NCAM2: variants seen among roughly 807,000 people sequenced by gnomAD.
The protein encoded by NCAM2 is neural cell adhesion molecule 2.
Under a neutral mutation model 98.1 loss-of-function variants are expected in NCAM2, and 30 were observed. The observed-to-expected ratio is 0.31, with a 90% confidence interval of 0.23 to 0.41. NCAM2 has a LOEUF of 0.41. NCAM2 is among the 10% of genes least tolerant of loss of function. NCAM2 has a pLI of 1.00. For missense variants in NCAM2, 867 were observed against 1,005.8 expected, an observed-to-expected ratio of 0.86 and a Z score of 1.87; for synonymous variants, 368 against 342.4, an observed-to-expected ratio of 1.07 and a Z score of -0.83.
chr21:21,147,129 T>G, intron 1 of NCAM2: 1 of 955,942 alleles, frequency 1.0e-6, no homozygotes, highest in Non-Finnish European at 1.2e-6. Flanking sequence ...AAGCCAGCAC[T>G]AGTGGACTTC....
chr21:21,070,263 T>C (rs1188970032), intron 1 of NCAM2, among the ~76,000 whole-genome samples: 1 of 131,282 alleles, frequency 7.6e-6, no homozygotes, highest in East Asian at 2.2e-4. Context: ...TATATGTACA[T>C]AGTGTATATA....
At chr21:21,312,122 T>C (rs11912011) in intron 5 of NCAM2, among the ~76,000 whole-genome samples, 3,908 of 152,172 alleles carry the variant, frequency 0.026, 155 homozygotes, top group African/African-American at 0.09. Context: ...TATATATCAA[T>C]GTTAGGTCTA....
At chr21:21,265,559 G>A (rs1486408792) in intron 1 of NCAM2, among the ~76,000 whole-genome samples, 1 of 146,834 alleles carries the variant, frequency 6.8e-6, no homozygotes, top group Non-Finnish European at 1.5e-5. Context: ...ATGTATATAT[G>A]TATAAGTGGA....
intron 1 of NCAM2, among the ~76,000 whole-genome samples, chr21:21,065,202 CA>C (rs895532590): frequency 6.6e-6 from 1 of 151,480 alleles, no homozygotes; most frequent in East Asian, 1.9e-4. Flanking sequence ...AAACAAAAAA[CA>C]AAAAAACAAA....
At chr21:21,277,554 G>T (rs1036699614) in intron 1 of NCAM2, among the ~76,000 whole-genome samples, 4 of 152,098 alleles carry the variant, frequency 2.6e-5, no homozygotes. Context: ...AATGCACAAT[G>T]GTAGGCAAGT....
intron 1 of NCAM2, among the ~76,000 whole-genome samples, chr21:21,058,707 C>T (rs2065263073): frequency 6.6e-6 from 1 of 150,436 alleles, no homozygotes; most frequent in Non-Finnish European, 1.5e-5. Flanking sequence ...TCTACATTGA[C>T]CCATTGAGTC....
intron 1 of NCAM2, among the ~76,000 whole-genome samples, chr21:21,082,989 T>G (rs1017136892): frequency 2.0e-5 from 3 of 152,232 alleles, no homozygotes; most frequent in East Asian, 1.9e-4. Context: ...GTCTACTGTT[T>G]GCTCCTTGAG....
chr21:21,009,032 A>C (rs1419202664), intron 1 of NCAM2, among the ~76,000 whole-genome samples: 1 of 152,108 alleles, frequency 6.6e-6, no homozygotes, highest in Admixed American at 6.6e-5. Flanking sequence ...CCATGGGAGC[A>C]AGAATGCCTT....
At chr21:21,037,098 A>G (rs561042546) in intron 1 of NCAM2, among the ~76,000 whole-genome samples, 1 of 152,284 alleles carries the variant, frequency 6.6e-6, no homozygotes, top group East Asian at 1.9e-4. Flanking sequence ...TGGCACACCC[A>G]CAGCTCACTC....
intron 8 of NCAM2, among the ~76,000 whole-genome samples, chr21:21,359,109 T>A (rs2075574673): frequency 6.6e-6 from 1 of 151,962 alleles, no homozygotes; most frequent in African/African-American, 2.4e-5. Context: ...TGTGTGTGTT[T>A]TTCTTTTTTC....
chr21:21,510,233 A>C (rs1988276493), intron 16 of NCAM2, among the ~76,000 whole-genome samples: 2 of 152,144 alleles, frequency 1.3e-5, no homozygotes, highest in African/African-American at 4.8e-5. Flanking sequence ...CAAATGTTTC[A>C]GTTGAAGAGT....
intron 1 of NCAM2, among the ~76,000 whole-genome samples, chr21:21,152,500 C>A (rs1283165490): frequency 1.3e-5 from 2 of 151,752 alleles, no homozygotes; most frequent in East Asian, 3.9e-4. Flanking sequence ...TTGGTATTTT[C>A]CTTTAAAGCA....
chr21:21,048,571 C>A (rs1318921502), intron 1 of NCAM2, among the ~76,000 whole-genome samples: 1 of 152,080 alleles, frequency 6.6e-6, no homozygotes, highest in African/African-American at 2.4e-5. Flanking sequence ...GCCAGGTTGG[C>A]ATTGATCTCC....
At chr21:21,325,559 A>T (rs1324216889) in intron 6 of NCAM2, among the ~76,000 whole-genome samples, 1 of 152,274 alleles carries the variant, frequency 6.6e-6, no homozygotes, top group Admixed American at 6.5e-5. Flanking sequence ...GTAGGATTAC[A>T]CCTTGAATAT....
At chr21:21,417,449 A>G (rs1162514721) in intron 10 of NCAM2, among the ~76,000 whole-genome samples, 1 of 152,010 alleles carries the variant, frequency 6.6e-6, no homozygotes, top group African/African-American at 2.4e-5. Context: ...ATCATCTTCA[A>G]TGGGCCTCAA....
chr21:21,071,869 G>A (rs1055588023), intron 1 of NCAM2, among the ~76,000 whole-genome samples: 1 of 133,756 alleles, frequency 7.5e-6, no homozygotes, highest in Non-Finnish European at 1.6e-5. Context: ...TGTCATGTCT[G>A]CCTATCTATC....
At chr21:21,411,101 T>TATATATACAC (rs2076864489) in intron 10 of NCAM2, among the ~76,000 whole-genome samples, 2 of 30,192 alleles carry the variant, frequency 6.6e-5, no homozygotes, top group African/African-American at 2.1e-4. Context: ...TGTATATATA[T>TATATATACAC]ACATATATAT....
intron 16 of NCAM2, among the ~76,000 whole-genome samples, chr21:21,511,911 T>G (rs771190692): frequency 4.6e-5 from 7 of 152,016 alleles, no homozygotes; most frequent in Non-Finnish European, 8.8e-5. Context: ...GAAATGTCTA[T>G]CCAGATCACT....
intron 1 of NCAM2, among the ~76,000 whole-genome samples, chr21:21,224,057 C>T (rs1433526615): frequency 6.6e-6 from 1 of 152,078 alleles, no homozygotes; most frequent in Non-Finnish European, 1.5e-5. Context: ...TCAGAAAGTA[C>T]TTTTCTTGTG....
Sources: allele counts gnomAD v4.1 joint callset (sites outside exome capture counted in the v4.1 genomes callset), GRCh38; gene constraint gnomAD v4.1.1; transcripts MANE v1.5; gene names NCBI Gene and HGNC (gene_info 2026-07-23, HGNC 2026-07-21).